The following MYO5B variants were observed in gnomAD, a reference collection of about 807,000 sequenced individuals.
MYO5B encodes myosin VB, also known as unconventional myosin-Vb.
Under a neutral mutation model 229.3 loss-of-function variants are expected in MYO5B, and 143 were observed. The observed-to-expected ratio is 0.62, with a 90% CI of 0.54 to 0.72. MYO5B has a LOEUF of 0.72. Among genes scored for constraint, MYO5B ranks in the 30% least tolerant of loss-of-function variants. The pLI is 0.00. For synonymous variants in MYO5B, 918 were observed against 885.2 expected (o/e 1.04, Z -0.66); for missense variants, 2,321 against 2,331.0 (o/e 1.00, Z 0.09).
chr18:49,870,387 T>G (rs1360264795), intron 27 of MYO5B, among the ~76,000 whole-genome samples: 1 of 152,218 alleles, frequency 6.6e-6, no homozygotes, highest in Non-Finnish European at 1.5e-5. Flanking sequence ...ATTTGATGAT[T>G]TCTTAAACAT....
intron 29 of MYO5B, among the ~76,000 whole-genome samples, chr18:49,857,918 G>A (rs1211905386): frequency 6.6e-6 from 1 of 152,218 alleles, no homozygotes; most frequent in East Asian, 1.9e-4. Flanking sequence ...AACAGCCTCT[G>A]TTCCTGGAGT....
intron 14 of MYO5B, among the ~76,000 whole-genome samples, chr18:49,949,164 C>A (rs1388952721): frequency 6.6e-6 from 1 of 152,208 alleles, no homozygotes; most frequent in Non-Finnish European, 1.5e-5. Flanking sequence ...CACTGCCCAG[C>A]ACATGCTGGC....
intron 39 of MYO5B, among the ~76,000 whole-genome samples, chr18:49,829,583 A>C (rs1433633634): frequency 6.6e-6 from 1 of 152,210 alleles, no homozygotes; most frequent in African/African-American, 2.4e-5. Context: ...AGGAAGGCAC[A>C]CTTTAACTCA....
intron 14 of MYO5B, among the ~76,000 whole-genome samples, chr18:49,940,934 A>T (rs892645380): frequency 4.6e-5 from 7 of 152,306 alleles, no homozygotes; most frequent in South Asian, 4.1e-4. Flanking sequence ...CATACAAAAA[A>T]ATTAGTTCCT....
chr18:49,847,100 G>A (rs1568607710), intron 33 of MYO5B, 46 bp downstream of exon 33: 1 of 1,612,396 alleles, frequency 6.2e-7, no homozygotes, highest in Non-Finnish European at 8.5e-7. Flanking sequence ...GGGAGCGGGG[G>A]CTGAAGGAGG....
intron 1 of MYO5B, among the ~76,000 whole-genome samples, chr18:50,062,263 G>T (rs1181276936): frequency 6.6e-6 from 1 of 152,120 alleles, no homozygotes; most frequent in Non-Finnish European, 1.5e-5. Flanking sequence ...TGTTTCAGTT[G>T]CAACAACGCC....
At chr18:49,886,763 C>T (rs1204463929) in intron 22 of MYO5B, among the ~76,000 whole-genome samples, 1 of 152,096 alleles carries the variant, frequency 6.6e-6, no homozygotes, top group African/African-American at 2.4e-5. Context: ...GAAGCACCGA[C>T]CGAGAGTGAC....
At chr18:49,937,867 G>C (rs2025268533) in intron 14 of MYO5B, among the ~76,000 whole-genome samples, 1 of 152,130 alleles carries the variant, frequency 6.6e-6, no homozygotes, top group South Asian at 2.1e-4. Context: ...TGCCTGCTAA[G>C]GGGGACAGGA....
chr18:50,032,921 A>G (rs1158192133), intron 4 of MYO5B, among the ~76,000 whole-genome samples: 4 of 152,024 alleles, frequency 2.6e-5, no homozygotes, highest in African/African-American at 9.7e-5. Flanking sequence ...TGGGAGGTGG[A>G]GGTTGCAGTG....
chr18:49,843,681 T>G (rs2024090265), intron 33 of MYO5B, among the ~76,000 whole-genome samples: 1 of 152,176 alleles, frequency 6.6e-6, no homozygotes, highest in Non-Finnish European at 1.5e-5. Flanking sequence ...CCTAACAATA[T>G]GGAGGAAAAG....
At position 49,963,002 on chromosome 18, in the gene MYO5B, C is replaced by T. The variant is rs1341581433; in HGVS notation, c.1351G>A (p.Glu451Lys). 1 of 1,613,902 alleles carries T rather than the reference C, an allele frequency of 6.2e-7. No individual in the cohort carries two copies. The highest frequency in any genetic ancestry group is 8.5e-7 in the Non-Finnish European group (1 of 1,179,970). Residue 451 changes from glutamate to lysine, a missense_variant, in exon 11 of 40, where the codon GAG (glutamate) becomes AAG (lysine). By Grantham distance (56) the Glu-to-Lys change is moderately conservative (BLOSUM62 1). Coordinates refer to ENST00000285039, the MANE Select transcript of MYO5B (RefSeq NM_001080467.3). The stretch of plus-strand genomic sequence containing the variant: ...TTTGCATAGTTGATACAGAACTGCT[C>T]AAAGCTGTTTACCTCAAATGTCTCA... ...GFETFEVNSF[E>K]QFCINYANEK...
At chr18:50,177,094 C>T (rs891746981) in intron 1 of MYO5B, among the ~76,000 whole-genome samples, 2 of 152,106 alleles carry the variant, frequency 1.3e-5, no homozygotes, top group Admixed American at 6.6e-5. Flanking sequence ...AACAGTAAAA[C>T]TAAAACACAA....
At chr18:50,013,314 TC>T (rs1167110089) in intron 4 of MYO5B, among the ~76,000 whole-genome samples, 1 of 152,170 alleles carries the variant, frequency 6.6e-6, no homozygotes, top group African/African-American at 2.4e-5. Context: ...ATCTGGGAAA[TC>T]CTGGCCTACA....
At chr18:50,129,411 A>T (rs1213509099) in intron 1 of MYO5B, among the ~76,000 whole-genome samples, 1 of 152,202 alleles carries the variant, frequency 6.6e-6, no homozygotes, top group Non-Finnish European at 1.5e-5. Context: ...CCATGAAAGG[A>T]AACAGGAAAT....
intron 18 of MYO5B, among the ~76,000 whole-genome samples, chr18:49,908,667 G>A (rs2024926201): frequency 6.6e-6 from 1 of 152,198 alleles, no homozygotes; most frequent in Non-Finnish European, 1.5e-5. Context: ...CTGTGATGAA[G>A]ATTCAGGCTT....
intron 7 of MYO5B, among the ~76,000 whole-genome samples, chr18:49,986,965 C>T (rs1219772972): frequency 1.3e-5 from 2 of 152,194 alleles, no homozygotes; most frequent in Non-Finnish European, 2.9e-5. Context: ...TACAAACTAA[C>T]TCATCATCAA....
At chr18:49,952,104 G>A (rs553357932) in intron 14 of MYO5B, among the ~76,000 whole-genome samples, 8 of 152,332 alleles carry the variant, frequency 5.3e-5, no homozygotes, top group African/African-American at 1.2e-4. Context: ...TGCTGCTACT[G>A]ACTCAAATCC....
At chr18:49,896,880 A>G (rs2024784950) in intron 21 of MYO5B, among the ~76,000 whole-genome samples, 1 of 152,150 alleles carries the variant, frequency 6.6e-6, no homozygotes, top group African/African-American at 2.4e-5. Context: ...CATCCAACCT[A>G]ATCAACCAAC....
chr18:50,156,044 C>A (rs964784104), intron 1 of MYO5B, among the ~76,000 whole-genome samples: 3 of 152,194 alleles, frequency 2.0e-5, no homozygotes, highest in Non-Finnish European at 4.4e-5. Context: ...TGGGACCACA[C>A]CCACATAAAT....
Sources: gnomAD v4.1 joint callset for allele counts (sites outside exome capture counted in the v4.1 genomes callset) on GRCh38, gnomAD v4.1.1 for gene constraint, MANE v1.5 for transcripts, NCBI Gene and HGNC (gene_info 2026-07-23, HGNC 2026-07-21) for gene names.